Variants in PAK3 observed in about 807,000 individuals in gnomAD.
The protein encoded by PAK3 is serine/threonine-protein kinase PAK 3.
In PAK3, 4 loss-of-function variants were observed where a neutral mutation model predicts 41.0. The observed-to-expected ratio is 0.10, with a 90% CI of 0.05 to 0.22. The LOEUF (loss-of-function observed/expected upper bound fraction) is 0.22, where lower values mean the gene tolerates loss of function less well. Among genes scored for constraint, PAK3 ranks in the 10% least tolerant of loss-of-function variants. The probability of loss-of-function intolerance (pLI) is 1.00; values close to 1 mark genes in which losing one functional copy is unlikely to be tolerated. For missense variants in PAK3, 205 were observed against 409.9 expected, an observed-to-expected ratio of 0.50 and a Z score of 4.32; for synonymous variants, 146 against 139.6, an observed-to-expected ratio of 1.05 and a Z score of -0.32.
chrX:111,036,831 T>C (rs1267629077), intron 1 of PAK3, among the ~76,000 whole-genome samples: 2 of 112,320 alleles, frequency 1.8e-5, no homozygotes, highest in African/African-American at 6.5e-5. Context: ...TTTTATGTGT[T>C]TTATCACTAG....
intron 1 of PAK3, among the ~76,000 whole-genome samples, chrX:111,089,402 G>T (rs1033773876): frequency 4.5e-5 from 5 of 111,930 alleles, no homozygotes; most frequent in African/African-American, 1.6e-4. Context: ...ACCCAAAATT[G>T]GTTGTACCAG....
chrX:110,955,802 C>G (rs1480098593), intron 1 of PAK3, among the ~76,000 whole-genome samples: 1 of 112,117 alleles, frequency 8.9e-6, no homozygotes, highest in Non-Finnish European at 1.9e-5. Flanking sequence ...AAACTTGGAG[C>G]AATCAGATCA....
At chrX:111,208,952 T>G (rs985329480) in intron 16 of PAK3, among the ~76,000 whole-genome samples, 11 of 110,475 alleles carry the variant, frequency 1.0e-4, no homozygotes, top group Non-Finnish European at 2.1e-4. Flanking sequence ...TGTGTGTGTG[T>G]GTGTGTACTA....
intron 1 of PAK3, among the ~76,000 whole-genome samples, chrX:111,060,235 T>G (rs2092643958): frequency 8.9e-6 from 1 of 112,325 alleles, no homozygotes; most frequent in African/African-American, 3.2e-5. Flanking sequence ...TTACATTAAT[T>G]GATTTTCGTA....
intron 1 of PAK3, among the ~76,000 whole-genome samples, chrX:111,054,811 G>A (rs905904437): frequency 2.1e-4 from 23 of 111,394 alleles, no homozygotes; most frequent in Admixed American, 1.9e-3. Context: ...CATCACCTCA[G>A]CTGCACTAGA....
chrX:111,130,287 C>T (rs1034687803), intron 5 of PAK3, among the ~76,000 whole-genome samples: 1 of 111,828 alleles, frequency 8.9e-6, no homozygotes, highest in Non-Finnish European at 1.9e-5. Context: ...ATCATCCTCA[C>T]GGAACATCTG....
At chrX:111,122,290 A>C (rs2093589362) in intron 4 of PAK3, among the ~76,000 whole-genome samples, 1 of 107,010 alleles carries the variant, frequency 9.3e-6, no homozygotes, top group Admixed American at 1.0e-4. Context: ...AGAATAATGA[A>C]ATTCAGAGCA....
intron 1 of PAK3, among the ~76,000 whole-genome samples, chrX:111,041,362 G>T (rs1235955230): frequency 3.6e-5 from 4 of 111,247 alleles, no homozygotes; most frequent in African/African-American, 1.3e-4. Context: ...AGTGTTTGGG[G>T]CACAATTTGG....
intron 1 of PAK3, among the ~76,000 whole-genome samples, chrX:111,020,387 G>T (rs765938055): frequency 9.0e-6 from 1 of 111,694 alleles, no homozygotes; most frequent in Non-Finnish European, 1.9e-5. Flanking sequence ...TGGTTTCCAG[G>T]AGCTGAGAGG....
intron 8 of PAK3, among the ~76,000 whole-genome samples, chrX:111,161,606 C>G (rs1035172533): frequency 9.0e-6 from 1 of 111,433 alleles, no homozygotes; most frequent in Admixed American, 9.5e-5. Context: ...TTAGGTCTAA[C>G]ATGTAAGTCT....
chrX:110,983,307 T>C (rs989655163), intron 1 of PAK3, among the ~76,000 whole-genome samples: 8 of 111,349 alleles, frequency 7.2e-5, no homozygotes, highest in African/African-American at 2.6e-4. Context: ...AAGTACCTTT[T>C]TCCTCTACTG....
chrX:111,023,418 T>G (rs375977112), intron 1 of PAK3, among the ~76,000 whole-genome samples: 1 of 112,228 alleles, frequency 8.9e-6, no homozygotes, highest in African/African-American at 3.2e-5. Context: ...GTAATGGGAT[T>G]GCTGGGCCAA....
At chrX:111,108,594 T>A (rs1344237300) in intron 4 of PAK3, among the ~76,000 whole-genome samples, 1 of 112,591 alleles carries the variant, frequency 8.9e-6, no homozygotes, top group Non-Finnish European at 1.9e-5. Context: ...TGTGTGCTCC[T>A]TATGAGAATC....
intron 1 of PAK3, among the ~76,000 whole-genome samples, chrX:111,076,954 A>G (rs899187932): frequency 8.1e-5 from 9 of 111,734 alleles, no homozygotes; most frequent in African/African-American, 2.6e-4. Flanking sequence ...AAACTCTTGG[A>G]AATTATAAAT....
chrX:111,178,956 G>GTT (rs1239558716), intron 11 of PAK3, among the ~76,000 whole-genome samples: 5 of 87,502 alleles, frequency 5.7e-5, no homozygotes, highest in African/African-American at 3.2e-4. Context: ...TACATAAACT[G>GTT]TTTTATATAT....
chrX:111,178,164 ACC>A (rs1260396870), intron 11 of PAK3, among the ~76,000 whole-genome samples: 7 of 110,590 alleles, frequency 6.3e-5, no homozygotes, highest in Admixed American at 9.7e-5. Context: ...CCAATAATGT[ACC>A]TTTCCTCTAT....
At chrX:111,172,664 GA>G (rs1221131574) in intron 10 of PAK3, among the ~76,000 whole-genome samples, 2 of 110,878 alleles carry the variant, frequency 1.8e-5, no homozygotes, top group Non-Finnish European at 3.8e-5. Flanking sequence ...CCCTTTCTTA[GA>G]TTTTTTTTAT....
At chrX:110,972,019 A>G (rs948957690) in intron 1 of PAK3, among the ~76,000 whole-genome samples, 3 of 111,065 alleles carry the variant, frequency 2.7e-5, no homozygotes, top group Non-Finnish European at 5.7e-5. Flanking sequence ...TCTCAATTCT[A>G]TTCCATTGTT....
intron 4 of PAK3, among the ~76,000 whole-genome samples, chrX:111,108,241 G>A (rs776319624): frequency 8.9e-5 from 10 of 112,264 alleles, no homozygotes; most frequent in Non-Finnish European, 1.7e-4. Context: ...GCTTAGCACA[G>A]GGCTGTGCCA....
Sources: gnomAD v4.1 joint callset for allele counts (sites outside exome capture counted in the v4.1 genomes callset) on GRCh38, gnomAD v4.1.1 for gene constraint, MANE v1.5 for transcripts, NCBI Gene and HGNC (gene_info 2026-07-23, HGNC 2026-07-21) for gene names.